Variants in PWWP2A observed in about 807,000 individuals in gnomAD.
The protein encoded by PWWP2A is PWWP domain-containing protein 2A.
A neutral mutation model predicts 48.5 loss-of-function variants in PWWP2A; 18 were observed. That is an observed-to-expected ratio of 0.37 (90% CI 0.26 to 0.55). The LOEUF is 0.55. Among genes scored for constraint, PWWP2A ranks in the 20% least tolerant of loss-of-function variants. The pLI is 0.81. For missense variants in PWWP2A, 867 were observed against 976.4 expected (o/e 0.89, Z 1.49); for synonymous variants, 396 against 387.7 (o/e 1.02, Z -0.25).
At chr5:160,054,764 A>C in the PWWP2A span, among the ~76,000 whole-genome samples, 1 of 152,236 alleles carries the variant, frequency 6.6e-6, no homozygotes, top group African/African-American at 2.4e-5. Context: ...GTCAGGTTTC[A>C]TATGGCAGAC....
At chr5:160,065,094 C>T in intron 4 of PWWP2A, 2 of 1,602,048 alleles carry the variant, frequency 1.2e-6, no homozygotes, top group South Asian at 1.1e-5. Context: ...TACAAGCTGA[C>T]TTGGAATTGT....
At chr5:160,109,608 G>T (rs528382314) in intron 1 of PWWP2A, among the ~76,000 whole-genome samples, 1 of 151,220 alleles carries the variant, frequency 6.6e-6, no homozygotes, top group South Asian at 2.1e-4. Context: ...TTGCCAGCAG[G>T]TAAGACATCC....
intron 2 of PWWP2A, among the ~76,000 whole-genome samples, chr5:160,084,257 T>TA (rs1754454823): frequency 6.6e-6 from 1 of 152,166 alleles, no homozygotes; most frequent in Non-Finnish European, 1.5e-5. Context: ...CATGTGATGA[T>TA]ATTGGGAGTA....
the PWWP2A span, among the ~76,000 whole-genome samples, chr5:160,050,362 G>A: frequency 2.0e-5 from 3 of 152,006 alleles, no homozygotes; most frequent in Admixed American, 6.6e-5. Flanking sequence ...CAGGAGAATC[G>A]CTTGAACCCA....
chr5:160,109,767 AAAAAAAAATAT>A lies in PWWP2A; in HGVS notation c.584+9027_584+9037del, dbSNP rs1397201984. Among the ~76,000 whole-genome samples the A allele has an allele frequency of 9.1e-3, 658 of 72,586 alleles. 4 individuals carry two copies. The highest frequency in any genetic ancestry group is 0.047 in the East Asian group (85 of 1,798). 47.6% of individuals were successfully genotyped at this position (72,586 alleles called of 152,430 possible). A position where few individuals can be genotyped will look rare whatever the true frequency, so the allele number is the denominator to read the frequency against. Reference sequence around the variant, plus strand: ...AGAGGATGCAACTGGGAAAAAAAAAAAAAAAAAATATATATATATATATATATATATATATA... The same window carrying A: ...AGAGGATGCAACTGGGAAAAAAAAAAATATATATATATATATATATATATA... On this transcript the variant is annotated intron_variant, in intron 1 of 1. Transcript: ENST00000307063.
In PWWP2A at chr5:160,117,893, A is replaced by G. The variant is rs1013965774; in HGVS notation, c.584+912T>C. On this transcript the variant is annotated intron_variant, in intron 1 of 1. Transcript: ENST00000307063. ...TGTGCTGTTGCAGGAAACAGAATGG[A>G]AAGCCGTGAATGGGAGTCTCTGCAC... 40 of 984,560 alleles carry G rather than the reference A, an allele frequency of 4.1e-5. No individual in the cohort carries two copies. The African/African-American group carries it at 6.5e-4, about 16-fold the overall frequency. The allele number at this position is 984,560 out of a possible 1,614,324, so 61.0% of individuals were successfully genotyped here.
the PWWP2A span, chr5:160,051,098 T>A: frequency 2.1e-6 from 3 of 1,433,504 alleles, no homozygotes; most frequent in East Asian, 2.3e-5. Flanking sequence ...TTTTTTTTTT[T>A]ACCAACCCTT....
chr5:160,074,082 A>T (rs1003679193), downstream of PWWP2A, among the ~76,000 whole-genome samples: 4 of 149,608 alleles, frequency 2.7e-5, no homozygotes, highest in South Asian at 4.2e-4. Flanking sequence ...AAAAAAAAAA[A>T]TTTCATTCCG....
downstream of PWWP2A, chr5:160,091,193 T>C (rs1755027583): frequency 2.1e-6 from 2 of 974,948 alleles, no homozygotes; most frequent in Non-Finnish European, 2.4e-6. Context: ...TATTTGAAGT[T>C]TTCTTATCTC....
downstream of PWWP2A, among the ~76,000 whole-genome samples, chr5:160,071,751 CAGATGCAGCCTTATG>C (rs1753744132): frequency 6.6e-6 from 1 of 152,194 alleles, no homozygotes; most frequent in African/African-American, 2.4e-5. Context: ...AGCCCCCATT[CAGATGCAGCCTTATG>C]AGCCTGCAGC....
intron 2 of PWWP2A, among the ~76,000 whole-genome samples, chr5:160,081,987 G>A (rs1429335223): frequency 6.6e-6 from 1 of 152,028 alleles, no homozygotes; most frequent in African/African-American, 2.4e-5. Flanking sequence ...GTATACACCT[G>A]ATCTAGAAAA....
intron 2 of PWWP2A, among the ~76,000 whole-genome samples, chr5:160,084,776 G>A (rs980211227): frequency 6.6e-6 from 1 of 151,936 alleles, no homozygotes; most frequent in Non-Finnish European, 1.5e-5. Flanking sequence ...TCACTGGCAA[G>A]TTATATATAT....
the PWWP2A span, among the ~76,000 whole-genome samples, chr5:160,055,765 C>T: frequency 2.6e-5 from 4 of 152,192 alleles, no homozygotes; most frequent in African/African-American, 4.8e-5. Context: ...CTAAGAGGGG[C>T]GTTCAGCTCT....
rs190017594 is a variant in PWWP2A at position 160,093,108 on chromosome 5, G to C, written c.1542C>G (p.Arg514=). Residue 514 remains arginine, a synonymous_variant, in exon 2 of 2, where the codon CGC becomes CGG. Transcript: ENST00000307063. The surrounding 1 kb of genome is among the most constrained non-coding windows in gnomAD (Gnocchi z 5.8). ...TTTCTGAAGGGGCCTCACCTGCTGAGCGGGTAGAGGTGCAGCGAGACTGGG... is the reference window on the plus strand; with the variant it reads ...TTTCTGAAGGGGCCTCACCTGCTGACCGGGTAGAGGTGCAGCGAGACTGGG... The part of the protein sequence containing the change: ...PKPQSRCTST[R]SAGEAPSENQ... The C allele has an allele frequency of 1.2e-6, 2 of 1,613,974 alleles. No individual in the cohort carries two copies. The highest frequency in any genetic ancestry group is 4.5e-5 in the East Asian group (2 of 44,878).
chr5:160,094,658 T>C (rs949757002), intron 1 of PWWP2A, among the ~76,000 whole-genome samples: 1 of 152,158 alleles, frequency 6.6e-6, no homozygotes, highest in African/African-American at 2.4e-5. Context: ...ACTCAGATAC[T>C]CAAACTACTT....
chr5:160,090,399 T>G, downstream of PWWP2A: 1 of 983,400 alleles, frequency 1.0e-6, no homozygotes, highest in Non-Finnish European at 1.2e-6. Context: ...TTGAACAAGT[T>G]CATTAATCTG....
At chr5:160,112,051 C>A (rs1757630592) in intron 1 of PWWP2A, among the ~76,000 whole-genome samples, 1 of 135,520 alleles carries the variant, frequency 7.4e-6, no homozygotes, top group African/African-American at 2.8e-5. Flanking sequence ...TGCTTGAGCC[C>A]AGGAGGTTGA....
At position 160,119,357 on chromosome 5, in the gene PWWP2A, G is replaced by A. The variant is rs1283186256; in HGVS notation, c.32C>T (p.Thr11Ile). 8 of 1,386,414 alleles carry A rather than the reference G, an allele frequency of 5.8e-6. No individual in the cohort carries two copies. The highest frequency in any genetic ancestry group is 7.4e-6 in the Non-Finnish European group (8 of 1,077,102). The allele number at this position is 1,386,414 out of a possible 1,614,324, so 85.9% of individuals were successfully genotyped here. MAAVAAEAAA[T>I]AASPGEGGAG... The stretch of plus-strand genomic sequence containing the variant: ...GCCCCCCTCCCCGGGGGACGCTGCA[G>A]TCGCTGCCGCCTCTGCAGCCACGGC... Residue 11 changes from threonine to isoleucine, a missense_variant, in exon 1 of 2, where the codon ACT becomes ATT. Physicochemically the swap from Thr to Ile is moderately conservative, Grantham distance 89. Around this residue, in one of 4 missense-constraint regions of PWWP2A, gnomAD observed 385 missense variants for 396.9 expected, o/e 0.97. Coordinates refer to ENST00000307063, the MANE Select transcript of PWWP2A (RefSeq NM_001130864.2).
At position 160,093,022 on chromosome 5, in the gene PWWP2A, A is replaced by G; in HGVS notation, c.1628T>C (p.Val543Ala). The G allele has an allele frequency of 6.3e-7, 1 of 1,597,508 alleles. No individual in the cohort carries two copies. Among genetic ancestry groups the G allele is most frequent in the Non-Finnish European group, 8.5e-7 (1 of 1,171,698 alleles). The change falls in exon 2 of 2, where the codon GTG (valine) becomes GCG (alanine). Residue 543 changes from valine to alanine, a missense_variant. This residue lies in a region of PWWP2A where 382 missense variants were observed against 407.2 expected (regional missense o/e 0.94). Transcript: ENST00000307063. This position sits in a 1 kb window ranked among gnomAD's most constrained non-coding sequence, Gnocchi z 5.8. Reference sequence around the variant, plus strand: ...TTCATCCTGATCACCAGGCACATGCACTTCATTTGTGTCCTGAACCTCACT... The same window carrying G: ...TTCATCCTGATCACCAGGCACATGCGCTTCATTTGTGTCCTGAACCTCACT... ...ASSEVQDTNE[V>A]HVPGDQDEPQ... is the part of the protein sequence containing the mutation.
Sources: allele counts gnomAD v4.1 joint callset (sites outside exome capture counted in the v4.1 genomes callset), GRCh38; gene constraint gnomAD v4.1.1; regional missense constraint gnomAD v4.1.1; non-coding constraint Gnocchi (gnomAD v3.1); transcripts MANE v1.5; gene names NCBI Gene and HGNC (gene_info 2026-07-23, HGNC 2026-07-21).